Variants in PCDH15 observed in about 807,000 individuals in gnomAD.
PCDH15 encodes the protein protocadherin-15.
In PCDH15, 129 loss-of-function variants were observed where a neutral mutation model predicts 178.5. That is an observed-to-expected ratio of 0.72 (90% CI 0.63 to 0.84). PCDH15 has a LOEUF of 0.84. Ranked by LOEUF, PCDH15 falls within the 40% of genes least tolerant of loss-of-function variation. PCDH15 has a pLI of 0.00. For synonymous variants in PCDH15, 800 were observed against 732.0 expected, an observed-to-expected ratio of 1.09 and a Z score of -1.50; for missense variants, 2,230 against 2,099.9, an observed-to-expected ratio of 1.06 and a Z score of -1.21.
intron 1 of PCDH15, among the ~76,000 whole-genome samples, chr10:55,199,711 G>A (rs1164832174): frequency 1.3e-5 from 2 of 152,028 alleles, no homozygotes; most frequent in Non-Finnish European, 2.9e-5. Flanking sequence ...CATGGTCCAG[G>A]CCCAGGGACT....
At chr10:54,322,510 C>A (rs1438943724) in intron 7 of PCDH15, among the ~76,000 whole-genome samples, 8 of 151,954 alleles carry the variant, frequency 5.3e-5, no homozygotes, top group Admixed American at 5.3e-4. Flanking sequence ...GTCTCCTCAA[C>A]CTCAAGCTAG....
chr10:54,524,508 T>A (rs1463332383), intron 3 of PCDH15, among the ~76,000 whole-genome samples: 9 of 152,238 alleles, frequency 5.9e-5, no homozygotes, highest in African/African-American at 2.2e-4. Flanking sequence ...AGGACTCTGA[T>A]GTGGCTGGCA....
At chr10:54,724,530 AAAATT>A (rs1942165964) in intron 1 of PCDH15, among the ~76,000 whole-genome samples, 1 of 151,572 alleles carries the variant, frequency 6.6e-6, no homozygotes, top group African/African-American at 2.4e-5. Context: ...AATCTAAAAT[AAAATT>A]AAAATTAAAA....
At chr10:54,983,170 A>G (rs1839283507) in intron 2 of PCDH15, among the ~76,000 whole-genome samples, 1 of 152,152 alleles carries the variant, frequency 6.6e-6, no homozygotes, top group African/African-American at 2.4e-5. Context: ...AAATATTAAT[A>G]CTTGATTTAT....
intron 1 of PCDH15, among the ~76,000 whole-genome samples, chr10:55,282,248 C>T (rs1302734314): frequency 6.6e-6 from 1 of 152,164 alleles, no homozygotes; most frequent in Non-Finnish European, 1.5e-5. Context: ...GACTCTTCCA[C>T]ACACTAAGCC....
chr10:55,347,039 C>A (rs1458991566), intron 2 of PCDH15, among the ~76,000 whole-genome samples: 1 of 151,746 alleles, frequency 6.6e-6, no homozygotes, highest in African/African-American at 2.4e-5. Context: ...CATGGCAAAA[C>A]CCCATCTCTA....
intron 1 of PCDH15, among the ~76,000 whole-genome samples, chr10:55,217,619 C>T (rs997210449): frequency 4.0e-5 from 6 of 151,674 alleles, no homozygotes; most frequent in East Asian, 3.9e-4. Context: ...ATTCATAATG[C>T]TGAATCATAA....
chr10:54,799,929 T>G (rs992546468), intron 1 of PCDH15, among the ~76,000 whole-genome samples: 6 of 152,140 alleles, frequency 3.9e-5, no homozygotes, highest in African/African-American at 1.4e-4. Context: ...CAGCAAGCAT[T>G]TTGCGCTCAA....
At chr10:54,736,058 G>A (rs67868743) in intron 1 of PCDH15, among the ~76,000 whole-genome samples, 19,030 of 151,738 alleles carry the variant, frequency 0.13, 1,352 homozygotes, top group African/African-American at 0.18. Context: ...TCAAGATCTC[G>A]ACTTTCTTTC....
chr10:53,821,672 T>C, intron 32 of PCDH15: 2 of 1,363,968 alleles, frequency 1.5e-6, no homozygotes, highest in Non-Finnish European at 1.9e-6. Flanking sequence ...GTAAGGTAAA[T>C]CTATTATATG....
chr10:54,033,139 A>C (rs920404024), intron 18 of PCDH15, among the ~76,000 whole-genome samples: 1 of 151,936 alleles, frequency 6.6e-6, no homozygotes, highest in Non-Finnish European at 1.5e-5. Flanking sequence ...CTTTAAGGAA[A>C]TCTATTTCTA....
rs1483438000 is a variant in PCDH15 at position 55,138,878 on chromosome 10, T to A, written c.-80+27698A>T. ...AAAATTGAATTACACAGTATGTCCC[T>A]TTGTATATTTTTTTAAACCCAGTAT... On this transcript the variant is annotated intron_variant, in intron 2 of 5. Transcript: ENST00000458638. Among the ~76,000 whole-genome samples, 4 of 152,140 alleles carry A rather than the reference T, an allele frequency of 2.6e-5. No homozygotes were observed. The East Asian group carries it at 7.7e-4, about 29-fold the overall frequency.
At chr10:54,083,355 C>T (rs77451788) in intron 16 of PCDH15, among the ~76,000 whole-genome samples, 1,763 of 152,022 alleles carry the variant, frequency 0.012, 40 homozygotes, top group African/African-American at 0.041. Context: ...TTTGTAATAC[C>T]GAAAGGTAGA....
chr10:54,931,887 G>A (rs940214798), intron 2 of PCDH15, among the ~76,000 whole-genome samples: 4 of 152,068 alleles, frequency 2.6e-5, no homozygotes, highest in African/African-American at 9.7e-5. Context: ...ATTAAGTAAA[G>A]AGCAAATGAA....
At chr10:54,243,506 CAA>C (rs943385529) in intron 8 of PCDH15, among the ~76,000 whole-genome samples, 1 of 147,170 alleles carries the variant, frequency 6.8e-6, no homozygotes, top group Non-Finnish European at 1.5e-5. Context: ...GACTCAGCGT[CAA>C]AAAAAAAAGT....
intron 2 of PCDH15, among the ~76,000 whole-genome samples, chr10:55,100,478 A>G (rs1292969069): frequency 6.6e-6 from 1 of 152,102 alleles, no homozygotes; most frequent in Non-Finnish European, 1.5e-5. Flanking sequence ...AAAGTAAAAA[A>G]GTGTATTAGT....
intron 1 of PCDH15, among the ~76,000 whole-genome samples, chr10:54,784,783 A>C (rs1950691113): frequency 6.6e-6 from 1 of 152,140 alleles, no homozygotes; most frequent in South Asian, 2.1e-4. Context: ...GCATAATCAT[A>C]TAATATATTA....
chr10:55,439,610 T>A (rs1839133317), intron 2 of PCDH15, among the ~76,000 whole-genome samples: 1 of 151,266 alleles, frequency 6.6e-6, no homozygotes, highest in African/African-American at 2.4e-5. Flanking sequence ...TTTTTTTAAA[T>A]GATGAAAACC....
rs140226634 is a variant in PCDH15 at position 53,832,247 on chromosome 10, A to G, written c.3984-714T>C. On this transcript the variant is annotated intron_variant, in intron 29 of 37. Coordinates refer to ENST00000644397, the MANE Select transcript of PCDH15 (RefSeq NM_001384140.1). Reference sequence around the variant, plus strand: ...GTAATTCCTTCCTCTAAATAATGCAATTCCAACTATGAGTCTTGAATTTTG... The same window carrying G: ...GTAATTCCTTCCTCTAAATAATGCAGTTCCAACTATGAGTCTTGAATTTTG... 1.7e-3 allele frequency among the ~76,000 whole-genome samples: 252 copies of G among 152,140 alleles called. 5 individuals are homozygous for G. Among genetic ancestry groups the G allele is most frequent in the African/African-American group, 5.9e-3 (243 of 41,476 alleles).
Sources: allele counts gnomAD v4.1 joint callset (sites outside exome capture counted in the v4.1 genomes callset), GRCh38; gene constraint gnomAD v4.1.1; transcripts MANE v1.5; gene names NCBI Gene and HGNC (gene_info 2026-07-23, HGNC 2026-07-21).